The following SPOPL variants were observed in gnomAD, a reference collection of about 807,000 sequenced individuals.
SPOPL encodes speckle-type POZ protein-like.
A neutral mutation model predicts 53.8 loss-of-function variants in SPOPL; 23 were observed. The observed-to-expected ratio is 0.43, with a 90% CI of 0.31 to 0.61. The LOEUF (loss-of-function observed/expected upper bound fraction) is 0.61. Ranked by LOEUF, SPOPL falls within the 20% of genes least tolerant of loss-of-function variation. SPOPL has a pLI of 0.12. For synonymous variants in SPOPL, 164 were observed against 149.7 expected (o/e 1.10, Z -0.70); for missense variants, 442 against 466.9 (o/e 0.95, Z 0.49).
rs551233579 is a variant in SPOPL, at chr2:138,549,803, A to G, written c.-60-354A>G. Reference sequence around the variant, plus strand: ...TGGTTTTCATGACTATGTCAATAAAAAGGTGAAGGAGGATGAACCAGATAT... The same window carrying G: ...TGGTTTTCATGACTATGTCAATAAAGAGGTGAAGGAGGATGAACCAGATAT... On this transcript the variant is annotated intron_variant, in intron 1 of 10. Coordinates refer to ENST00000280098, the MANE Select transcript of SPOPL (RefSeq NM_001001664.3). 2.6e-4 allele frequency among the ~76,000 whole-genome samples: 40 copies of G among 152,286 alleles called. 2 individuals carry two copies. Among genetic ancestry groups the G allele is most frequent in the African/African-American group, 8.2e-4 (34 of 41,584 alleles).
chr2:138,536,344 C>A (rs12996483), intron 1 of SPOPL, among the ~76,000 whole-genome samples: 78,021 of 149,444 alleles, frequency 0.52, 22,278 homozygotes, highest in Non-Finnish European at 0.66. Flanking sequence ...AGTGCCCCCC[C>A]CCCACACACA....
chr2:138,560,412 G>A (rs966626188), intron 7 of SPOPL, among the ~76,000 whole-genome samples: 4 of 151,368 alleles, frequency 2.6e-5, no homozygotes, highest in African/African-American at 9.7e-5. Context: ...TAACACAGAT[G>A]TATTTTATTT....
intron 1 of SPOPL, among the ~76,000 whole-genome samples, chr2:138,511,858 C>G (rs1020682896): frequency 2.6e-4 from 39 of 152,272 alleles, no homozygotes; most frequent in African/African-American, 8.2e-4. Flanking sequence ...AGACTAGGAG[C>G]ATACAGCCAC....
chr2:138,565,531 A>T (rs1685642094), intron 10 of SPOPL, among the ~76,000 whole-genome samples: 1 of 152,160 alleles, frequency 6.6e-6, no homozygotes, highest in Non-Finnish European at 1.5e-5. Context: ...CTAAGACTGG[A>T]TCTTGTGAAT....
intron 1 of SPOPL, among the ~76,000 whole-genome samples, chr2:138,538,098 T>G (rs1684977191): frequency 6.6e-6 from 1 of 152,222 alleles, no homozygotes; most frequent in Admixed American, 6.5e-5. Flanking sequence ...ATTTAAATTT[T>G]TTTAAATTCG....
At chr2:138,537,922 T>C (rs1684972393) in intron 1 of SPOPL, among the ~76,000 whole-genome samples, 1 of 152,188 alleles carries the variant, frequency 6.6e-6, no homozygotes, top group South Asian at 2.1e-4. Flanking sequence ...GCTGAAAGTT[T>C]TTTTCATTAG....
intron 1 of SPOPL, among the ~76,000 whole-genome samples, chr2:138,547,344 T>C (rs9287505): frequency 0.49 from 73,980 of 152,146 alleles, 22,169 homozygotes; most frequent in Non-Finnish European, 0.67. Context: ...TTGTGAGTTA[T>C]ACTTCAGGAA....
In SPOPL at chr2:138,559,199, G is replaced by A; in HGVS notation, c.658G>A (p.Ala220Thr). Residue 220 changes from alanine (A) to threonine (T), a missense_variant and splice_region_variant, in exon 6 of 11, where the codon GCT becomes ACT. Physicochemically the swap from Ala to Thr is moderately conservative, Grantham distance 58. Coordinates refer to ENST00000280098, the MANE Select transcript of SPOPL (RefSeq NM_001001664.3). ...EFKAHKSVLA[A>T]RSPVFNAMFE... ...TAAAGCTCATAAATCTGTGCTTGCA[G>A]GTACTTTCTAGTTATGGGGTAATAT... 1 of 1,612,944 alleles carries A rather than the reference G, an allele frequency of 6.2e-7. No homozygotes were observed. The highest frequency in any genetic ancestry group is 8.5e-7 in the Non-Finnish European group (1 of 1,179,526).
intron 1 of SPOPL, among the ~76,000 whole-genome samples, chr2:138,523,551 A>G (rs980988572): frequency 1.3e-5 from 2 of 152,198 alleles, no homozygotes; most frequent in African/African-American, 4.8e-5. Context: ...TATCTGAGAC[A>G]AGTCCCTTCC....
chr2:138,516,567 A>G (rs1257275884), intron 1 of SPOPL, among the ~76,000 whole-genome samples: 3 of 152,180 alleles, frequency 2.0e-5, no homozygotes, highest in Admixed American at 2.0e-4. Flanking sequence ...CACAGGGTGC[A>G]CTCATCCAAG....
chr2:138,507,345 A>G (rs551201212), intron 1 of SPOPL, among the ~76,000 whole-genome samples: 3 of 150,854 alleles, frequency 2.0e-5, no homozygotes, highest in African/African-American at 5.0e-5. Context: ...AATACTCACT[A>G]TTTATCAGAC....
chr2:138,541,909 T>A (rs1399120822), intron 1 of SPOPL, among the ~76,000 whole-genome samples: 1 of 152,232 alleles, frequency 6.6e-6, no homozygotes, highest in Non-Finnish European at 1.5e-5. Context: ...CTGCTTTGAA[T>A]GCATCCCAGA....
chr2:138,550,085 T>G, intron 1 of SPOPL, 72 bp from the exon 2 acceptor site: 2 of 682,954 alleles, frequency 2.9e-6, no homozygotes, highest in Non-Finnish European at 5.0e-6. Flanking sequence ...CATGTCTGTT[T>G]AAATATGTCT....
chr2:138,552,826 G>A (rs1434840452), intron 5 of SPOPL, 145 bp downstream of exon 5: 1 of 991,586 alleles, frequency 1.0e-6, no homozygotes, highest in Non-Finnish European at 1.4e-6. Flanking sequence ...AAAAAGCTTA[G>A]AAAATTCTTG....
chr2:138,546,963 T>A (rs180901189), intron 1 of SPOPL, among the ~76,000 whole-genome samples: 364 of 152,278 alleles, frequency 2.4e-3, no homozygotes, highest in African/African-American at 7.7e-3. Flanking sequence ...GCTTTTATTT[T>A]TTTTATTTTA....
chr2:138,564,789 G>T lies in SPOPL; in HGVS notation c.919G>T (p.Val307Phe). The T allele has an allele frequency of 1.2e-6, 2 of 1,614,146 alleles. No individual in the cohort carries two copies. The highest frequency in any genetic ancestry group is 1.1e-5 in the South Asian group (1 of 91,076). The change falls in exon 9 of 11, where the codon GTC becomes TTC. Residue 307 changes from valine (V) to phenylalanine (F), a missense_variant. Transcript: ENST00000280098. ...LSVENVADTLVLADLHSAEQL... is the reference protein window; with the variant it reads ...LSVENVADTLFLADLHSAEQL... ...AGTAGAGAATGTTGCAGATACCCTT[G>T]TCCTTGCAGATTTGCACAGTGCAGA...
chr2:138,528,379 C>G (rs1261817672), intron 1 of SPOPL, among the ~76,000 whole-genome samples: 1 of 152,224 alleles, frequency 6.6e-6, no homozygotes, highest in African/African-American at 2.4e-5. Flanking sequence ...TGTGATTTAT[C>G]TACCTTTATA....
At chr2:138,531,291 A>G (rs1363665917) in intron 1 of SPOPL, among the ~76,000 whole-genome samples, 1 of 151,976 alleles carries the variant, frequency 6.6e-6, no homozygotes, top group Non-Finnish European at 1.5e-5. Flanking sequence ...TCATGGAGTT[A>G]CTTGAGCTAC....
intron 4 of SPOPL, 129 bp from the exon 5 acceptor site, chr2:138,552,425 A>G (rs1685332977): frequency 9.0e-7 from 1 of 1,113,472 alleles, no homozygotes; most frequent in East Asian, 2.7e-5. Flanking sequence ...ATAAACACAA[A>G]TATCGGTAAC....
Sources: gnomAD v4.1 joint callset for allele counts (sites outside exome capture counted in the v4.1 genomes callset) on GRCh38, gnomAD v4.1.1 for gene constraint, MANE v1.5 for transcripts, NCBI Gene and HGNC (gene_info 2026-07-23, HGNC 2026-07-21) for gene names.